Variants in CCDC7 observed in about 807,000 individuals in gnomAD.
CCDC7 encodes the protein coiled-coil domain containing 7.
CCDC7 carries 183 observed loss-of-function variants against 196.9 expected under a neutral mutation model. The observed-to-expected ratio is 0.93, with a 90% confidence interval of 0.82 to 1.05. The LOEUF (loss-of-function observed/expected upper bound fraction) is 1.05. Among genes scored for constraint, CCDC7 ranks in the 50% least tolerant of loss-of-function variants. CCDC7 has a pLI of 0.00. For missense variants in CCDC7, 1,540 were observed against 1,482.2 expected, an observed-to-expected ratio of 1.04 and a Z score of -0.64; for synonymous variants, 525 against 484.6, an observed-to-expected ratio of 1.08 and a Z score of -1.10.
At chr10:32,666,500 A>G (rs917805465) in intron 21 of CCDC7, among the ~76,000 whole-genome samples, 1 of 151,650 alleles carries the variant, frequency 6.6e-6, no homozygotes, top group Non-Finnish European at 1.5e-5. Context: ...TACATTAGGT[A>G]TAACTTCTAA....
intron 32 of CCDC7, among the ~76,000 whole-genome samples, chr10:32,829,389 T>A (rs2091856916): frequency 6.6e-6 from 1 of 152,240 alleles, no homozygotes; most frequent in Non-Finnish European, 1.5e-5. Flanking sequence ...ATGAGGACTG[T>A]AATTGTCATG....
intron 33 of CCDC7, among the ~76,000 whole-genome samples, chr10:32,839,198 A>G (rs1429224824): frequency 6.6e-6 from 1 of 151,958 alleles, no homozygotes; most frequent in Non-Finnish European, 1.5e-5. Flanking sequence ...AGAATGGCAG[A>G]ATAGATAAGA....
At chr10:32,712,389 A>T (rs994138529) in intron 25 of CCDC7, among the ~76,000 whole-genome samples, 1 of 152,186 alleles carries the variant, frequency 6.6e-6, no homozygotes, top group Non-Finnish European at 1.5e-5. Context: ...GCCTTTACGG[A>T]TTACACCCAG....
chr10:32,831,043 A>G (rs1440269598), intron 32 of CCDC7, among the ~76,000 whole-genome samples: 1 of 152,170 alleles, frequency 6.6e-6, no homozygotes, highest in Non-Finnish European at 1.5e-5. Context: ...TGCAAAAATC[A>G]TAGAGTATAC....
chr10:32,857,169 A>G (rs527766957), intron 41 of CCDC7, among the ~76,000 whole-genome samples: 1 of 152,278 alleles, frequency 6.6e-6, no homozygotes, highest in East Asian at 1.9e-4. Context: ...GCCTACCCAG[A>G]ATGAGAGCCA....
At chr10:32,779,688 C>T (rs2080730188) in intron 29 of CCDC7, among the ~76,000 whole-genome samples, 1 of 152,184 alleles carries the variant, frequency 6.6e-6, no homozygotes, top group South Asian at 2.1e-4. Flanking sequence ...AAATGGCAAA[C>T]TGAAAACATC....
At chr10:32,657,543 G>A (rs1362994900) in intron 20 of CCDC7, among the ~76,000 whole-genome samples, 1 of 152,244 alleles carries the variant, frequency 6.6e-6, no homozygotes, top group Admixed American at 6.5e-5. Flanking sequence ...AGGAATGGCT[G>A]GAGGTGAAGC....
At chr10:32,876,252 C>A in intron 41 of CCDC7, 95 bp from the exon 43 acceptor site, 2 of 858,024 alleles carry the variant, frequency 2.3e-6, no homozygotes, top group Non-Finnish European at 3.7e-6. Flanking sequence ...ATTATTCATA[C>A]ATTCTGTTTT....
At chr10:32,826,342 C>T (rs1216107692) in intron 32 of CCDC7, among the ~76,000 whole-genome samples, 1 of 152,180 alleles carries the variant, frequency 6.6e-6, no homozygotes, top group East Asian at 1.9e-4. Context: ...AAAAGATGCC[C>T]TCCTTTTGAG....
chr10:32,596,717 C>T (rs559470581), intron 18 of CCDC7, among the ~76,000 whole-genome samples: 36 of 152,242 alleles, frequency 2.4e-4, no homozygotes, highest in Admixed American at 2.0e-3. Flanking sequence ...GTAAGGCAGG[C>T]GTTGTGATAA....
At chr10:32,479,838 C>T (rs371315752) in intron 8 of CCDC7, among the ~76,000 whole-genome samples, 6 of 145,676 alleles carry the variant, frequency 4.1e-5, no homozygotes, top group Admixed American at 6.8e-5. Context: ...CTGGTTTTTT[C>T]TTTTTTTTTT....
rs148576191 is a variant in CCDC7 at position 32,684,412 on chromosome 10, G to T, written c.2123-1558G>T. 5.8e-4 allele frequency among the ~76,000 whole-genome samples: 88 copies of T among 152,268 alleles called. No individual in the cohort carries two copies. In the Middle Eastern group the frequency reaches 0.014, roughly 24 times the overall value. On this transcript the variant is annotated intron_variant, in intron 21 of 41. Transcript: ENST00000639629. Reference sequence around the variant, plus strand: ...GGCAGGATCTCTTGTGCCTAGGTTTGCAAAGGTTCATGGCAGAGGTATGTG... The same window carrying T: ...GGCAGGATCTCTTGTGCCTAGGTTTTCAAAGGTTCATGGCAGAGGTATGTG...
chr10:32,865,580 C>T (rs1417982235), intron 41 of CCDC7, among the ~76,000 whole-genome samples: 9 of 151,720 alleles, frequency 5.9e-5, no homozygotes, highest in Non-Finnish European at 8.8e-5. Context: ...ACTAATAGAA[C>T]TTGATTAGAA....
At chr10:32,717,520 C>CT (rs1221047499) in intron 25 of CCDC7, among the ~76,000 whole-genome samples, 1 of 152,026 alleles carries the variant, frequency 6.6e-6, no homozygotes, top group Non-Finnish European at 1.5e-5. Flanking sequence ...CAAGAAATAA[C>CT]TAAAATCAGA....
At chr10:32,481,770 C>A (rs1303299392) in intron 8 of CCDC7, 5 of 151,982 alleles carry the variant, frequency 3.3e-5, no homozygotes, top group Admixed American at 2.0e-4. Context: ...TTTTTGTAGA[C>A]CAACTTTTCT....
chr10:32,482,542 C>T (rs1297229194), intron 8 of CCDC7, among the ~76,000 whole-genome samples: 1 of 152,068 alleles, frequency 6.6e-6, no homozygotes, highest in Non-Finnish European at 1.5e-5. Context: ...TACATGTGCA[C>T]AACGTGCAGG....
At chr10:32,866,365 C>T (rs928684556) in intron 41 of CCDC7, among the ~76,000 whole-genome samples, 1 of 150,624 alleles carries the variant, frequency 6.6e-6, no homozygotes. Flanking sequence ...AACTGTTATT[C>T]AATATATACA....
chr10:32,595,246 G>T (rs2060205572), intron 18 of CCDC7, among the ~76,000 whole-genome samples: 1 of 152,142 alleles, frequency 6.6e-6, no homozygotes, highest in Non-Finnish European at 1.5e-5. Flanking sequence ...GGTCTATTCA[G>T]GGATTCAACT....
intron 18 of CCDC7, among the ~76,000 whole-genome samples, chr10:32,605,019 GGATGTGTTA>G (rs1355892964): frequency 1.3e-5 from 2 of 152,128 alleles, no homozygotes; most frequent in African/African-American, 4.8e-5. Context: ...GGGTCTGGTA[GGATGTGTTA>G]GAGTTGTGGG....
Sources: allele counts gnomAD v4.1 joint callset (sites outside exome capture counted in the v4.1 genomes callset), GRCh38; gene constraint gnomAD v4.1.1; transcripts MANE v1.5; gene names NCBI Gene and HGNC (gene_info 2026-07-23, HGNC 2026-07-21).